Variants in MYO3B observed in about 807,000 individuals in gnomAD.
MYO3B encodes the protein myosin-IIIb.
MYO3B carries 156 observed loss-of-function variants against 174.6 expected under a neutral mutation model. The ratio of observed to expected loss-of-function variants is 0.89; its 90% CI spans 0.78 to 1.02. The LOEUF (loss-of-function observed/expected upper bound fraction) is 1.02, where lower values mean the gene tolerates loss of function less well. Ranked by LOEUF, MYO3B falls within the 50% of genes least tolerant of loss-of-function variation. The pLI is 0.00. For synonymous variants in MYO3B, 563 were observed against 569.1 expected, an observed-to-expected ratio of 0.99 and a Z score of 0.15; for missense variants, 1,632 against 1,639.4, an observed-to-expected ratio of 1.00 and a Z score of 0.08.
At chr2:170,432,198 A>T (rs72876401) in intron 22 of MYO3B, among the ~76,000 whole-genome samples, 1 of 152,140 alleles carries the variant, frequency 6.6e-6, no homozygotes, top group Non-Finnish European at 1.5e-5. Flanking sequence ...GTTCTTTAGG[A>T]GGTATTCTAG....
Position 170,346,614 on chromosome 2 carries a change from G to C in MYO3B, c.815+11164G>C, listed in dbSNP as rs574199134. Among the ~76,000 whole-genome samples the C allele has an allele frequency of 3.3e-5, 5 of 151,982 alleles. No homozygotes were observed. In the South Asian group the frequency reaches 1.0e-3, roughly 32 times the overall value. ...TTTTTGTTTAAATATGTGTCATAAGGGTTTATGTTAAATTCCTCCTCCTCA... is the reference window on the plus strand; with the variant it reads ...TTTTTGTTTAAATATGTGTCATAAGCGTTTATGTTAAATTCCTCCTCCTCA... On this transcript the variant is annotated intron_variant, in intron 8 of 34. Transcript: ENST00000408978.
At chr2:170,535,171 C>T (rs1402641017) in intron 30 of MYO3B, among the ~76,000 whole-genome samples, 1 of 152,192 alleles carries the variant, frequency 6.6e-6, no homozygotes, top group African/African-American at 2.4e-5. Flanking sequence ...ATTGGATCTC[C>T]TCTGCTGTAT....
At chr2:170,649,758 T>C (rs1414820858) in intron 32 of MYO3B, among the ~76,000 whole-genome samples, 2 of 134,202 alleles carry the variant, frequency 1.5e-5, no homozygotes, top group Non-Finnish European at 3.1e-5. Flanking sequence ...ACCTGGGAGG[T>C]AGAAATTGCA....
At chr2:170,242,668 A>G (rs1212434448) in intron 7 of MYO3B, among the ~76,000 whole-genome samples, 2 of 152,144 alleles carry the variant, frequency 1.3e-5, no homozygotes, top group Non-Finnish European at 2.9e-5. Flanking sequence ...GGTCCCCACC[A>G]CTACTGAGTA....
intron 32 of MYO3B, among the ~76,000 whole-genome samples, chr2:170,553,800 G>T (rs1444481522): frequency 1.3e-5 from 2 of 152,172 alleles, no homozygotes; most frequent in Admixed American, 1.3e-4. Flanking sequence ...TTGGGAGAGA[G>T]ACCTGGTGGG....
intron 7 of MYO3B, among the ~76,000 whole-genome samples, chr2:170,292,195 C>A (rs1376166929): frequency 6.6e-6 from 1 of 151,988 alleles, no homozygotes; most frequent in Non-Finnish European, 1.5e-5. Context: ...CTGTTTGGTC[C>A]ATTCTGCTAT....
intron 8 of MYO3B, among the ~76,000 whole-genome samples, chr2:170,336,379 A>G (rs1340741005): frequency 6.6e-6 from 1 of 152,108 alleles, no homozygotes; most frequent in Non-Finnish European, 1.5e-5. Flanking sequence ...CTCTGTGCAA[A>G]CTTAGCTTTC....
intron 10 of MYO3B, 37 bp downstream of exon 10, chr2:170,382,149 A>G (rs761263058): frequency 6.5e-7 from 1 of 1,539,410 alleles, no homozygotes; most frequent in African/African-American, 1.4e-5. Flanking sequence ...CATTGAAGAC[A>G]TTTGTTTCAT....
chr2:170,395,848 G>A (rs914144875), intron 16 of MYO3B, among the ~76,000 whole-genome samples: 1 of 152,190 alleles, frequency 6.6e-6, no homozygotes, highest in Admixed American at 6.5e-5. Flanking sequence ...TGTGAGCCAG[G>A]CCAAGGGGGA....
At chr2:170,646,411 T>G (rs1398724676) in intron 32 of MYO3B, among the ~76,000 whole-genome samples, 4 of 152,054 alleles carry the variant, frequency 2.6e-5, no homozygotes, top group Non-Finnish European at 4.4e-5. Context: ...TTTCTTTTTT[T>G]GGAGACCAAG....
chr2:170,585,381 A>C (rs970893432), intron 32 of MYO3B, among the ~76,000 whole-genome samples: 1 of 152,106 alleles, frequency 6.6e-6, no homozygotes, highest in Non-Finnish European at 1.5e-5. Context: ...GGACCCAAAA[A>C]AAGTATCAGT....
chr2:170,369,387 T>C lies in MYO3B; in HGVS notation c.971+10T>C. Reference sequence around the variant, plus strand: ...CTGTTGCTAAAACCAGGTACTGTACTCTCTTTCTTCTTTCTCCCTGTGGTT... The same window carrying C: ...CTGTTGCTAAAACCAGGTACTGTACCCTCTTTCTTCTTTCTCCCTGTGGTT... On this transcript the variant is annotated intron_variant, in intron 9 of 34. Coordinates refer to ENST00000408978, the MANE Select transcript of MYO3B (RefSeq NM_138995.5). The C allele has an allele frequency of 6.2e-7, 1 of 1,604,274 alleles. No homozygotes were observed. Among genetic ancestry groups the C allele is most frequent in the South Asian group, 1.1e-5 (1 of 89,944 alleles).
chr2:170,258,776 T>C (rs1468765973), intron 7 of MYO3B, among the ~76,000 whole-genome samples: 2 of 152,144 alleles, frequency 1.3e-5, no homozygotes, highest in East Asian at 1.9e-4. Flanking sequence ...ATTATCTCTC[T>C]TCACTGATGA....
chr2:170,458,480 T>A (rs1419453360), intron 23 of MYO3B, among the ~76,000 whole-genome samples: 1 of 152,192 alleles, frequency 6.6e-6, no homozygotes, highest in Non-Finnish European at 1.5e-5. Flanking sequence ...TTGGAGAGGA[T>A]TTTCTCTTTG....
intron 22 of MYO3B, among the ~76,000 whole-genome samples, chr2:170,417,578 G>A (rs1202465105): frequency 1.3e-5 from 2 of 152,138 alleles, no homozygotes; most frequent in Admixed American, 6.5e-5. Flanking sequence ...CAAGATTCAG[G>A]TGAAGTCAGG....
At chr2:170,282,591 C>CT (rs1253806337) in intron 7 of MYO3B, among the ~76,000 whole-genome samples, 4 of 151,864 alleles carry the variant, frequency 2.6e-5, no homozygotes, top group Non-Finnish European at 5.9e-5. Flanking sequence ...TTTTCAGGCT[C>CT]TTTTTTGGTT....
intron 30 of MYO3B, among the ~76,000 whole-genome samples, chr2:170,542,501 T>G (rs755044446): frequency 2.0e-5 from 3 of 152,236 alleles, no homozygotes; most frequent in Non-Finnish European, 4.4e-5. Context: ...TCCCCAAACT[T>G]ACTTGATTAC....
rs551123941 is a variant in MYO3B, at chr2:170,615,560, C to G, written c.3734-36068C>G. The stretch of plus-strand genomic sequence containing the variant: ...GGAGGAGGAGGAATGTATTCATTAT[C>G]TATTGCTTCTTACAAATTACACCAA... On this transcript the variant is annotated intron_variant, in intron 32 of 34. Coordinates refer to ENST00000408978, the MANE Select transcript of MYO3B (RefSeq NM_138995.5). Among the ~76,000 whole-genome samples, 6 of 152,350 alleles carry G rather than the reference C, an allele frequency of 3.9e-5. No individual in the cohort carries two copies. The South Asian group carries it at 1.2e-3, about 32-fold the overall frequency.
chr2:170,192,302 T>A (rs200057406), intron 1 of MYO3B, among the ~76,000 whole-genome samples: 1 of 71,344 alleles, frequency 1.4e-5, no homozygotes, highest in Non-Finnish European at 3.8e-5. Context: ...TTGGGTTCAA[T>A]TTTTTTTATT....
Sources: allele counts gnomAD v4.1 joint callset (sites outside exome capture counted in the v4.1 genomes callset), GRCh38; gene constraint gnomAD v4.1.1; transcripts MANE v1.5; gene names NCBI Gene and HGNC (gene_info 2026-07-23, HGNC 2026-07-21).